Variants in DISC1 observed in about 807,000 individuals in gnomAD.
The protein encoded by DISC1 is DISC1 scaffold protein.
In DISC1, 57 loss-of-function variants were observed where a neutral mutation model predicts 84.5. The observed-to-expected ratio is 0.67, with a 90% CI of 0.55 to 0.84. The LOEUF (loss-of-function observed/expected upper bound fraction) is 0.84, where lower values mean the gene tolerates loss of function less well. Ranked by LOEUF, DISC1 falls within the 40% of genes least tolerant of loss-of-function variation. The pLI, the probability that DISC1 is intolerant of heterozygous loss-of-function variation, is 0.00. For missense variants in DISC1, 1,000 were observed against 1,057.8 expected (o/e 0.95, Z 0.76); for synonymous variants, 411 against 415.2 (o/e 0.99, Z 0.12).
At chr1:231,881,748 G>A (rs537695261) in intron 9 of DISC1, among the ~76,000 whole-genome samples, 10 of 130,604 alleles carry the variant, frequency 7.7e-5, no homozygotes, top group African/African-American at 1.7e-4. Context: ...AAACTATGCC[G>A]ATCAGTCAAA....
At chr1:231,885,767 G>A (rs551772489) in intron 9 of DISC1, among the ~76,000 whole-genome samples, 16 of 152,308 alleles carry the variant, frequency 1.1e-4, no homozygotes, top group African/African-American at 3.8e-4. Context: ...GAAAAGGGGA[G>A]GAGGCAGAGA....
intron 9 of DISC1, among the ~76,000 whole-genome samples, chr1:231,892,881 G>T (rs752048881): frequency 6.6e-6 from 1 of 152,138 alleles, no homozygotes; most frequent in Non-Finnish European, 1.5e-5. Flanking sequence ...AATGTGGCAG[G>T]CCAGGTATAG....
At chr1:232,007,396 A>G (rs1465503077) in intron 10 of DISC1, among the ~76,000 whole-genome samples, 1 of 152,200 alleles carries the variant, frequency 6.6e-6, no homozygotes, top group Non-Finnish European at 1.5e-5. Flanking sequence ...GTCCAAGACC[A>G]TAGGAACCCA....
chr1:231,820,930 A>T (rs745970193), intron 9 of DISC1, among the ~76,000 whole-genome samples: 10 of 152,212 alleles, frequency 6.6e-5, no homozygotes, highest in Non-Finnish European at 1.5e-4. Context: ...AACAATTAGC[A>T]GTGTCTCTCG....
chr1:231,941,324 C>T (rs189837922), intron 9 of DISC1, among the ~76,000 whole-genome samples: 5 of 152,178 alleles, frequency 3.3e-5, no homozygotes, highest in East Asian at 1.9e-4. Flanking sequence ...TGCCCATCCC[C>T]GAGAGGCTTT....
intron 10 of DISC1, among the ~76,000 whole-genome samples, chr1:231,962,804 TC>T (rs924257328): frequency 5.5e-4 from 84 of 152,300 alleles, no homozygotes; most frequent in African/African-American, 2.0e-3. Context: ...CTCCTCCTGT[TC>T]ATCCAGCCCA....
At chr1:231,861,293 T>G (rs751175632) in intron 9 of DISC1, among the ~76,000 whole-genome samples, 4 of 151,814 alleles carry the variant, frequency 2.6e-5, no homozygotes, top group Admixed American at 1.3e-4. Context: ...GTTTTTATTA[T>G]TTATTTATTT....
chr1:231,970,784 A>G (rs1462455301), intron 10 of DISC1, among the ~76,000 whole-genome samples: 1 of 152,252 alleles, frequency 6.6e-6, no homozygotes, highest in Non-Finnish European at 1.5e-5. Context: ...AGCAATGATA[A>G]GATCACTCTG....
intron 5 of DISC1, 134 bp downstream of exon 5, chr1:231,767,403 T>G (rs940291922): frequency 1.5e-6 from 2 of 1,326,058 alleles, no homozygotes; most frequent in Non-Finnish European, 2.1e-6. Context: ...CCTGGGTGAT[T>G]CTCCCACCTC....
At chr1:232,007,272 T>C (rs1364585346) in intron 10 of DISC1, among the ~76,000 whole-genome samples, 1 of 152,094 alleles carries the variant, frequency 6.6e-6, no homozygotes, top group Non-Finnish European at 1.5e-5. Context: ...CCCAGAATGG[T>C]AGATCCACTG....
At chr1:231,649,001 A>G (rs1345579507) in intron 1 of DISC1, among the ~76,000 whole-genome samples, 2 of 152,046 alleles carry the variant, frequency 1.3e-5, no homozygotes, top group African/African-American at 4.8e-5. Context: ...GATCTTTTCA[A>G]AAAACCAGCT....
At chr1:231,723,981 C>T (rs891649795) in intron 3 of DISC1, 3 of 985,412 alleles carry the variant, frequency 3.0e-6, no homozygotes, top group Non-Finnish European at 3.6e-6. Context: ...CTCACCATGA[C>T]CCTGTATATA....
chr1:231,873,548 C>T (rs1383048104), intron 9 of DISC1, among the ~76,000 whole-genome samples: 2 of 152,154 alleles, frequency 1.3e-5, no homozygotes, highest in African/African-American at 4.8e-5. Context: ...GGTGCACTCA[C>T]AGGAGGAAAT....
At chr1:231,658,896 G>T (rs758639596) in intron 1 of DISC1, among the ~76,000 whole-genome samples, 5 of 151,948 alleles carry the variant, frequency 3.3e-5, no homozygotes, top group Non-Finnish European at 7.4e-5. Context: ...TTTATTGAAG[G>T]TTTTTGCATT....
intron 9 of DISC1, among the ~76,000 whole-genome samples, chr1:231,912,758 TTTCTTTCTTTCTTTC>T (rs1486095818): frequency 9.0e-6 from 1 of 111,016 alleles, no homozygotes; most frequent in Non-Finnish European, 1.9e-5. Context: ...TCTTTCTTTC[TTTCTTTCTTTCTTTC>T]TTTCTTTCTT....
At chr1:231,635,887 A>T (rs1239029462) in intron 1 of DISC1, among the ~76,000 whole-genome samples, 1 of 152,220 alleles carries the variant, frequency 6.6e-6, no homozygotes, top group Non-Finnish European at 1.5e-5. Context: ...TGAGAAGCCT[A>T]TAGTCCCGTG....
intron 9 of DISC1, among the ~76,000 whole-genome samples, chr1:231,947,846 C>T (rs577254962): frequency 2.2e-4 from 33 of 147,804 alleles, no homozygotes; most frequent in African/African-American, 5.8e-4. Context: ...AACAAACAGA[C>T]GTATAAAAAA....
At chr1:231,751,373 T>G (rs2074586239) in intron 4 of DISC1, among the ~76,000 whole-genome samples, 1 of 152,220 alleles carries the variant, frequency 6.6e-6, no homozygotes, top group South Asian at 2.1e-4. Flanking sequence ...AACAAACACT[T>G]TCATAACAGT....
rs377212644 is a variant in DISC1, at chr1:231,829,490, G to A, written c.1981+10973G>A. On this transcript the variant is annotated intron_variant, in intron 9 of 12. Coordinates refer to ENST00000439617, the MANE Select transcript of DISC1 (RefSeq NM_018662.3). The stretch of plus-strand genomic sequence containing the variant: ...AGCAATCCTCCCATCTCAGTCTTCC[G>A]AGTAGCTGGAAGTACAGGCATGTGC... Among the ~76,000 whole-genome samples the A allele has an allele frequency of 4.6e-5, 7 of 152,096 alleles. 1 individual carries two copies. Among genetic ancestry groups the A allele is most frequent in the African/African-American group, 9.6e-5 (4 of 41,496 alleles).
Sources: gnomAD v4.1 joint callset for allele counts (sites outside exome capture counted in the v4.1 genomes callset) on GRCh38, gnomAD v4.1.1 for gene constraint, MANE v1.5 for transcripts, NCBI Gene and HGNC (gene_info 2026-07-23, HGNC 2026-07-21) for gene names.